The following FIGLA variants were observed in gnomAD, a reference collection of about 807,000 sequenced individuals.
FIGLA encodes the protein folliculogenesis specific bHLH transcription factor.
In FIGLA, 17 loss-of-function variants were observed where a neutral mutation model predicts 21.5. That is an observed-to-expected ratio of 0.79 (90% CI 0.54 to 1.19). FIGLA has a LOEUF of 1.19. FIGLA is among the 50% of genes most tolerant of loss of function. The pLI is 0.00. For synonymous variants in FIGLA, 129 were observed against 117.6 expected, an observed-to-expected ratio of 1.10 and a Z score of -0.63; for missense variants, 282 against 285.0, an observed-to-expected ratio of 0.99 and a Z score of 0.08.
At chr2:70,789,273 C>T (rs1448625213) in intron 1 of FIGLA, among the ~76,000 whole-genome samples, 1 of 152,044 alleles carries the variant, frequency 6.6e-6, no homozygotes, top group Non-Finnish European at 1.5e-5. Flanking sequence ...TCATTTCTGT[C>T]TTTTCCAAGT....
At chr2:70,778,198 A>G (rs1343546574) in intron 3 of FIGLA, among the ~76,000 whole-genome samples, 2 of 152,226 alleles carry the variant, frequency 1.3e-5, no homozygotes, top group Non-Finnish European at 2.9e-5. Context: ...ACTTAACACT[A>G]TCACCCACAT....
chr2:70,783,380 C>G lies in FIGLA; in HGVS notation c.609+2035G>C, dbSNP rs1407750513. 2.6e-5 allele frequency among the ~76,000 whole-genome samples: 4 copies of G among 152,238 alleles called. No individual in the cohort carries two copies. In the East Asian group the frequency reaches 7.7e-4, roughly 29 times the overall value. On this transcript the variant is annotated intron_variant, in intron 3 of 4. Coordinates refer to ENST00000332372, the MANE Select transcript of FIGLA (RefSeq NM_001004311.3). ...TTTTACTAGGAAACGTTAGTCCCCA[C>G]TCTAAATTAGTGTACTATACGTGGC...
intron 3 of FIGLA, among the ~76,000 whole-genome samples, chr2:70,778,502 A>T (rs1489018560): frequency 1.3e-5 from 2 of 151,394 alleles, no homozygotes; most frequent in African/African-American, 2.4e-5. Flanking sequence ...ATAAATTTTA[A>T]TTTTTTTCAT....
intron 3 of FIGLA, among the ~76,000 whole-genome samples, chr2:70,783,343 A>T (rs1341676677): frequency 3.3e-5 from 5 of 152,246 alleles, no homozygotes; most frequent in African/African-American, 1.2e-4. Flanking sequence ...TTCCAGTCAG[A>T]ACATCTCTGG....
At chr2:70,787,319 C>T (rs548799965) in intron 2 of FIGLA, among the ~76,000 whole-genome samples, 2 of 152,286 alleles carry the variant, frequency 1.3e-5, no homozygotes, top group Admixed American at 6.5e-5. Flanking sequence ...AAAGCCCCCT[C>T]CTATGTCCAG....
chr2:70,788,937 C>G (rs1676005534), intron 1 of FIGLA, among the ~76,000 whole-genome samples: 1 of 152,126 alleles, frequency 6.6e-6, no homozygotes, highest in Non-Finnish European at 1.5e-5. Flanking sequence ...AGGAAATTAT[C>G]AGACACGCAC....
At position 70,785,612 on chromosome 2, in the gene FIGLA, T is replaced by C. The variant is rs782634410; in HGVS notation, c.412A>G (p.Ser138Gly). ...KKQDPDEQSY[S>G]NNSSESHTSS... ...GTATGTGATTCAGAACTGTTGTTACTATAGCTCTGCTCATCTGGGTCTTGT... is the reference window on the plus strand; with the variant it reads ...GTATGTGATTCAGAACTGTTGTTACCATAGCTCTGCTCATCTGGGTCTTGT... Residue 138 changes from serine (S) to glycine (G), a missense_variant, in exon 3 of 5, where the codon AGT becomes GGT. Ser to Gly is a moderately conservative substitution (Grantham distance 56). Coordinates refer to ENST00000332372, the MANE Select transcript of FIGLA (RefSeq NM_001004311.3). The C allele has an allele frequency of 3.7e-6, 6 of 1,613,938 alleles. No individual in the cohort carries two copies. The highest frequency in any genetic ancestry group is 2.2e-5 in the East Asian group (1 of 44,890).
At chr2:70,777,423 A>G (rs1553388464) in intron 4 of FIGLA, 41 bp from the exon 5 acceptor site, 2 of 1,417,270 alleles carry the variant, frequency 1.4e-6, no homozygotes, top group South Asian at 2.9e-5. Context: ...AGTTAAAAAT[A>G]AGAACCGTTT....
At chr2:70,783,198 G>A (rs1675888945) in intron 3 of FIGLA, among the ~76,000 whole-genome samples, 1 of 152,160 alleles carries the variant, frequency 6.6e-6, no homozygotes, top group Admixed American at 6.5e-5. Flanking sequence ...GAAGTGACAT[G>A]CACTGTCTAT....
rs1553388501 is a variant in FIGLA, at chr2:70,777,617, C to A, written c.644+20G>T. On this transcript the variant is annotated intron_variant, in intron 4 of 4. Coordinates refer to ENST00000332372, the MANE Select transcript of FIGLA (RefSeq NM_001004311.3). The stretch of plus-strand genomic sequence containing the variant: ...GGTGTTATAAATTGGCACTATGCAT[C>A]AGGTTATAGAATGACCTACCTGTGA... 6.2e-7 allele frequency: 1 copy of A among 1,601,676 alleles called. No homozygotes were observed. Among genetic ancestry groups the A allele is most frequent in the Non-Finnish European group, 8.5e-7 (1 of 1,173,506 alleles).
At chr2:70,780,295 C>T (rs183158860) in intron 3 of FIGLA, among the ~76,000 whole-genome samples, 1 of 152,272 alleles carries the variant, frequency 6.6e-6, no homozygotes, top group East Asian at 1.9e-4. Flanking sequence ...GGGTCCTCAT[C>T]AAGGGTAGGG....
At chr2:70,781,382 A>G (rs1218676473) in intron 3 of FIGLA, among the ~76,000 whole-genome samples, 2 of 152,206 alleles carry the variant, frequency 1.3e-5, no homozygotes, top group Admixed American at 6.5e-5. Flanking sequence ...GTGATGACAT[A>G]TCAAACAGAA....
chr2:70,778,307 A>C (rs1208882053), intron 3 of FIGLA, among the ~76,000 whole-genome samples: 4 of 152,222 alleles, frequency 2.6e-5, no homozygotes, highest in African/African-American at 9.6e-5. Flanking sequence ...TTGTTTGTAT[A>C]GCACAGGGTG....
At chr2:70,787,876 G>A (rs148978760) in intron 1 of FIGLA, 75 bp from the exon 2 acceptor site, 5 of 1,499,952 alleles carry the variant, frequency 3.3e-6, no homozygotes, top group African/African-American at 2.8e-5. Flanking sequence ...ACAGAAGGGG[G>A]TTGTTTCCAC....
At chr2:70,777,712 C>G (rs553571277) in intron 3 of FIGLA, 41 bp from the exon 4 acceptor site, 1 of 1,062,352 alleles carries the variant, frequency 9.4e-7, no homozygotes, top group East Asian at 2.5e-5. Flanking sequence ...CTAAACACAT[C>G]GGTTATTTGT....
intron 2 of FIGLA, 149 bp from the exon 3 acceptor site, chr2:70,785,788 C>T: frequency 1.5e-6 from 1 of 674,608 alleles, no homozygotes; most frequent in South Asian, 1.9e-5. Context: ...AAGCATTGTT[C>T]AATTGACCGT....
intron 3 of FIGLA, among the ~76,000 whole-genome samples, chr2:70,780,042 G>A (rs1475487964): frequency 6.6e-6 from 1 of 152,158 alleles, no homozygotes; most frequent in Non-Finnish European, 1.5e-5. Flanking sequence ...ACCACATGCT[G>A]TGGCTTCTCA....
intron 2 of FIGLA, among the ~76,000 whole-genome samples, chr2:70,786,550 T>C (rs1425266432): frequency 6.6e-6 from 1 of 152,140 alleles, no homozygotes; most frequent in Admixed American, 6.5e-5. Context: ...ATGATCTGCC[T>C]GCCTCAGCCT....
intron 1 of FIGLA, among the ~76,000 whole-genome samples, chr2:70,789,450 G>C (rs1201334419): frequency 1.3e-5 from 2 of 152,120 alleles, no homozygotes; most frequent in African/African-American, 4.8e-5. Flanking sequence ...ACAGGGTTCT[G>C]TCCATCAAGA....
Sources: gnomAD v4.1 joint callset for allele counts (sites outside exome capture counted in the v4.1 genomes callset) on GRCh38, gnomAD v4.1.1 for gene constraint, MANE v1.5 for transcripts, NCBI Gene and HGNC (gene_info 2026-07-23, HGNC 2026-07-21) for gene names.